The following SPATA6 variants were observed in gnomAD, a reference collection of about 807,000 sequenced individuals.
SPATA6 encodes the protein spermatogenesis-associated protein 6.
In SPATA6, 56 loss-of-function variants were observed where a neutral mutation model predicts 65.3. That is an observed-to-expected ratio of 0.86 (90% CI 0.69 to 1.07). SPATA6 has a LOEUF of 1.07. Among genes scored for constraint, SPATA6 ranks in the 50% least tolerant of loss-of-function variants. The pLI is 0.00. For synonymous variants in SPATA6, 199 were observed against 213.2 expected (o/e 0.93, Z 0.58); for missense variants, 590 against 594.8 (o/e 0.99, Z 0.08).
chr1:48,342,540 C>G (rs547202113), intron 11 of SPATA6, among the ~76,000 whole-genome samples: 29 of 151,424 alleles, frequency 1.9e-4, no homozygotes, highest in African/African-American at 7.0e-4. Flanking sequence ...GGCATGAACC[C>G]CGGAGGCAGA....
intron 9 of SPATA6, among the ~76,000 whole-genome samples, chr1:48,367,235 A>G (rs1229795118): frequency 6.6e-6 from 1 of 152,182 alleles, no homozygotes; most frequent in Non-Finnish European, 1.5e-5. Context: ...CACTTTCGGA[A>G]TAAGTGTGGT....
chr1:48,298,694 A>T lies in SPATA6; in HGVS notation c.*19T>A, dbSNP rs1170670388. 6.3e-7 allele frequency: 1 copy of T among 1,589,718 alleles called. No individual in the cohort carries two copies. The highest frequency in any genetic ancestry group is 8.6e-7 in the Non-Finnish European group (1 of 1,167,998). ...TGAGAAATTGACACGGACACTAATG[A>T]GGTTTATCATGGATGGTCTCAGAAG... is the stretch of plus-strand genomic sequence containing the variant. On this transcript the variant is annotated 3_prime_UTR_variant, in exon 13 of 13. Coordinates refer to ENST00000371847, the MANE Select transcript of SPATA6 (RefSeq NM_019073.4).
intron 9 of SPATA6, among the ~76,000 whole-genome samples, chr1:48,384,688 T>C (rs189745578): frequency 6.6e-6 from 1 of 152,322 alleles, no homozygotes; most frequent in East Asian, 1.9e-4. Flanking sequence ...CTCAGTTAGC[T>C]ATTGGTATAT....
intron 3 of SPATA6, among the ~76,000 whole-genome samples, chr1:48,443,421 C>A (rs1172039709): frequency 6.6e-6 from 1 of 152,202 alleles, no homozygotes; most frequent in East Asian, 1.9e-4. Flanking sequence ...GCCACTGCTA[C>A]AGGAACCAGA....
chr1:48,282,336 G>T, the SPATA6 span, among the ~76,000 whole-genome samples: 2 of 152,080 alleles, frequency 1.3e-5, no homozygotes, highest in African/African-American at 4.8e-5. Context: ...TGACAAATGG[G>T]ATCTAATTAA....
At chr1:48,314,567 T>C (rs993700979) in intron 11 of SPATA6, among the ~76,000 whole-genome samples, 3 of 152,134 alleles carry the variant, frequency 2.0e-5, no homozygotes, top group African/African-American at 4.8e-5. Context: ...TTTATAGCAC[T>C]AAATGCCCAC....
Position 48,317,172 on chromosome 1 carries a change from T to G in SPATA6, c.1195-11294A>C, listed in dbSNP as rs138108468. On this transcript the variant is annotated intron_variant, in intron 11 of 12. Transcript: ENST00000371847. ...ATACCATTTGACCCAGCCATCCCAT[T>G]ACTGGGTATATACCCAAAGGATTAT... Among the ~76,000 whole-genome samples, 787 of 152,318 alleles carry G rather than the reference T, an allele frequency of 5.2e-3. 17 individuals carry two copies. Among genetic ancestry groups the G allele is most frequent in the South Asian group, 0.05 (240 of 4,822 alleles).
chr1:48,417,393 AC>A (rs1191399908), intron 3 of SPATA6, among the ~76,000 whole-genome samples: 26 of 152,386 alleles, frequency 1.7e-4, no homozygotes, highest in African/African-American at 6.0e-4. Context: ...AAAAGTATCT[AC>A]ATTATCATGT....
chr1:48,268,710 T>C, the SPATA6 span, among the ~76,000 whole-genome samples: 1 of 152,200 alleles, frequency 6.6e-6, no homozygotes, highest in South Asian at 2.1e-4. Context: ...TAGCTTCACA[T>C]GTAAAACCTA....
intron 9 of SPATA6, among the ~76,000 whole-genome samples, chr1:48,375,059 C>T (rs1440411900): frequency 6.6e-6 from 1 of 152,154 alleles, no homozygotes; most frequent in Non-Finnish European, 1.5e-5. Context: ...GGCCCTTTTG[C>T]TGCCACAGCT....
intron 1 of SPATA6, among the ~76,000 whole-genome samples, chr1:48,466,174 T>C (rs1657792946): frequency 6.6e-6 from 1 of 152,028 alleles, no homozygotes; most frequent in Non-Finnish European, 1.5e-5. Flanking sequence ...TTGTTTTGAA[T>C]AATAAAAAGC....
At chr1:48,352,842 A>G (rs762061545) in intron 11 of SPATA6, among the ~76,000 whole-genome samples, 1 of 151,078 alleles carries the variant, frequency 6.6e-6, no homozygotes, top group Non-Finnish European at 1.5e-5. Context: ...AATAAATAAT[A>G]GCTGATTTTT....
Position 48,420,540 on chromosome 1 carries a change from C to T in SPATA6, c.239-7389G>A, listed in dbSNP as rs994956882. On this transcript the variant is annotated intron_variant, in intron 3 of 12. Transcript: ENST00000371847. ...AAAGGGTCAAAATTAAATTGGAGGA[C>T]ACTCAATTGGTATCTGCTGAAGAAG... is the stretch of plus-strand genomic sequence containing the variant. Among the ~76,000 whole-genome samples, 10 of 152,278 alleles carry T rather than the reference C, an allele frequency of 6.6e-5. No homozygotes were observed. The East Asian group carries it at 1.7e-3, about 27-fold the overall frequency.
chr1:48,378,683 T>C lies in SPATA6; in HGVS notation c.909+6626A>G, dbSNP rs371793012. Among the ~76,000 whole-genome samples the C allele has an allele frequency of 2.0e-4, 31 of 152,158 alleles. 1 individual carries two copies. The highest frequency in any genetic ancestry group is 5.5e-4 in the African/African-American group (23 of 41,448). On this transcript the variant is annotated intron_variant, in intron 9 of 12. Transcript: ENST00000371847. ...TGTCATGAGAATAACATGGGAAAGA[T>C]AGACGCTTACAGTTCAATCATCTCC...
At chr1:48,356,659 C>T (rs1646670869) in intron 10 of SPATA6, among the ~76,000 whole-genome samples, 1 of 151,620 alleles carries the variant, frequency 6.6e-6, no homozygotes, top group Non-Finnish European at 1.5e-5. Context: ...GATTGCCTGC[C>T]ACTACACCTG....
chr1:48,331,768 T>A (rs1478412781), intron 11 of SPATA6, among the ~76,000 whole-genome samples: 2 of 151,988 alleles, frequency 1.3e-5, no homozygotes, highest in Non-Finnish European at 2.9e-5. Context: ...CAAGACATAA[T>A]CATCTGACAC....
chr1:48,312,726 G>C (rs1281874281), intron 11 of SPATA6, among the ~76,000 whole-genome samples: 1 of 152,114 alleles, frequency 6.6e-6, no homozygotes, highest in Non-Finnish European at 1.5e-5. Flanking sequence ...AGAGAAGAAG[G>C]CTTCAGATGA....
chr1:48,458,461 T>A (rs1357032757), intron 1 of SPATA6, among the ~76,000 whole-genome samples: 4 of 152,190 alleles, frequency 2.6e-5, no homozygotes, highest in Non-Finnish European at 5.9e-5. Context: ...TTGCTGTCTT[T>A]TTTGCTGACT....
intron 3 of SPATA6, chr1:48,436,422 T>C: frequency 3.1e-6 from 5 of 1,609,590 alleles, no homozygotes; most frequent in Non-Finnish European, 4.2e-6. Context: ...GGACCTGTTT[T>C]CCTGAAGGAA....
Sources: gnomAD v4.1 joint callset for allele counts (sites outside exome capture counted in the v4.1 genomes callset) on GRCh38, gnomAD v4.1.1 for gene constraint, MANE v1.5 for transcripts, NCBI Gene and HGNC (gene_info 2026-07-23, HGNC 2026-07-21) for gene names.